Variants in RNF123 observed in about 807,000 individuals in gnomAD.
The protein encoded by RNF123 is E3 ubiquitin-protein ligase RNF123.
RNF123 carries 86 observed loss-of-function variants against 168.5 expected under a neutral mutation model. The ratio of observed to expected loss-of-function variants is 0.51; its 90% CI spans 0.43 to 0.61. RNF123 has a LOEUF of 0.61. Among genes scored for constraint, RNF123 ranks in the 20% least tolerant of loss-of-function variants. RNF123 has a pLI of 0.00. For missense variants in RNF123, 1,419 were observed against 1,729.7 expected, an observed-to-expected ratio of 0.82 and a Z score of 3.19; for synonymous variants, 666 against 689.1, an observed-to-expected ratio of 0.97 and a Z score of 0.52.
intron 18 of RNF123, 85 bp from the exon 19 acceptor site, chr3:49,702,249 G>T: frequency 1.3e-6 from 2 of 1,589,520 alleles, no homozygotes; most frequent in Non-Finnish European, 1.7e-6. Flanking sequence ...CATGGCAGGG[G>T]CTGGGGGAAG....
chr3:49,701,862 C>T lies in RNF123; in HGVS notation c.1447C>T (p.Arg483Trp), dbSNP rs778920897. ...GGAGACCGCAGAGGAGCGGCTGCGGCGGCGAGCCTACGAACGGGGCTGTCA... is the reference window on the plus strand; with the variant it reads ...GGAGACCGCAGAGGAGCGGCTGCGGTGGCGAGCCTACGAACGGGGCTGTCA... ...KEETAEERLRRRAYERGCQRL... is the reference protein window; with the variant it reads ...KEETAEERLRWRAYERGCQRL... The change falls in exon 17 of 39, where the codon CGG (arginine) becomes TGG (tryptophan). Residue 483 changes from arginine (R) to tryptophan (W), a missense_variant. Around this residue, in one of 5 missense-constraint regions of RNF123, gnomAD observed 349 missense variants for 344.9 expected, o/e 1.01. Transcript: ENST00000327697. 3.9e-5 allele frequency: 61 copies of T among 1,570,268 alleles called. No homozygotes were observed. Among genetic ancestry groups the T allele is most frequent in the Admixed American group, 5.8e-5 (3 of 51,810 alleles).
Position 49,699,616 on chromosome 3 carries a change from G to A in RNF123, c.879+34G>A. The stretch of plus-strand genomic sequence containing the variant: ...GGGTCTGGGCCAGGCGGGGTGGGGG[G>A]CTTCCACAGCCTCCTGCCCCTCACA... On this transcript the variant is annotated intron_variant, in intron 11 of 38. Transcript: ENST00000327697. This position sits in a 1 kb window ranked among gnomAD's most constrained non-coding sequence, Gnocchi z 4.8. 1.2e-6 allele frequency: 2 copies of A among 1,612,150 alleles called. No homozygotes were observed. The highest frequency in any genetic ancestry group is 2.2e-5 in the South Asian group (2 of 91,038).
Position 49,720,599 on chromosome 3 carries a change from G to A in RNF123, c.3589G>A (p.Ala1197Thr). 6.2e-7 allele frequency: 1 copy of A among 1,610,628 alleles called. No homozygotes were observed. Among genetic ancestry groups the A allele is most frequent in the Non-Finnish European group, 8.5e-7 (1 of 1,177,796 alleles). ...CYLLGQPEPP[A>T]PGTALPAPDR... ...TCTCCTGGGACAGCCAGAGCCCCCA[G>A]CACCTGGCACTGCTCTGCCAGCCCC... Residue 1197 changes from alanine (A) to threonine (T), a missense_variant, in exon 36 of 39, where the codon GCA (alanine) becomes ACA (threonine). Physicochemically the swap from Ala to Thr is moderately conservative, Grantham distance 58. Coordinates refer to ENST00000327697, the MANE Select transcript of RNF123 (RefSeq NM_022064.5).
Position 49,706,884 on chromosome 3 carries a change from A to C in RNF123, c.2482A>C (p.Thr828Pro). The change falls in exon 26 of 39, where the codon ACT becomes CCT. Residue 828 changes from threonine to proline, a missense_variant. Thr to Pro is a conservative substitution (Grantham distance 38). Coordinates refer to ENST00000327697, the MANE Select transcript of RNF123 (RefSeq NM_022064.5). ...CCGCCGTCTTGCCTGGGTCCATGCC[A>C]CTGTCTACTCCCAGGTGTGCTGGTA... is the stretch of plus-strand genomic sequence containing the variant. ...LSRRLAWVHA[T>P]VYSQEKMLDI... is the part of the protein sequence containing the mutation. 1 of 1,614,002 alleles carries C rather than the reference A, an allele frequency of 6.2e-7. No homozygotes were observed. The highest frequency in any genetic ancestry group is 8.5e-7 in the Non-Finnish European group (1 of 1,179,898).
chr3:49,699,327 C>G lies in RNF123; in HGVS notation c.765-141C>G. ...ACAGATGAGGAATGTGAAGCATCCT[C>G]CCTAGGGAGAATAAGTGGGCAAGTT... On this transcript the variant is annotated intron_variant, in intron 10 of 38. Coordinates refer to ENST00000327697, the MANE Select transcript of RNF123 (RefSeq NM_022064.5). The surrounding 1 kb of genome is among the most constrained non-coding windows in gnomAD (Gnocchi z 4.8). The G allele has an allele frequency of 3.2e-6, 3 of 936,586 alleles. 1 individual carries two copies. The highest frequency in any genetic ancestry group is 1.6e-6 in the Non-Finnish European group (1 of 616,036). The allele number at this position is 936,586 out of a possible 1,614,324, so 58.0% of individuals were successfully genotyped here. A position where few individuals can be genotyped will look rare whatever the true frequency, so the allele number is the denominator to read the frequency against.
At position 49,697,291 on chromosome 3, in the gene RNF123, G is replaced by C. The variant is rs888395973; in HGVS notation, c.247+69G>C. On this transcript the variant is annotated intron_variant, in intron 4 of 38. Transcript: ENST00000327697. ...GGACGTAGCGGGCCTGGAGACGTCT[G>C]GTGAGCTCAGGACACCCTATGCATC... 8 of 1,592,412 alleles carry C rather than the reference G, an allele frequency of 5.0e-6. No homozygotes were observed. In the Admixed American group the frequency reaches 1.3e-4, roughly 27 times the overall value.
At position 49,713,970 on chromosome 3, in the gene RNF123, C is replaced by T. The variant is rs554509998; in HGVS notation, c.2898C>T (p.Thr966=). ...APYEQRPWAQ[T]NWILVRLWRG... ...ATGAGCAGCGGCCCTGGGCCCAGACCAACTGGATCCTGGTGCGGCTCTGGA... is the reference window on the plus strand; with the variant it reads ...ATGAGCAGCGGCCCTGGGCCCAGACTAACTGGATCCTGGTGCGGCTCTGGA... Residue 966 remains threonine (T), a synonymous_variant, in exon 30 of 39, where the codon ACC becomes ACT. Coordinates refer to ENST00000327697, the MANE Select transcript of RNF123 (RefSeq NM_022064.5). 8 of 1,614,080 alleles carry T rather than the reference C, an allele frequency of 5.0e-6. No individual in the cohort carries two copies. The South Asian group carries it at 8.8e-5, about 18-fold the overall frequency.
chr3:49,693,347 CTTTTTTTTTT>C (rs35938648), intron 3 of RNF123, among the ~76,000 whole-genome samples: 1 of 34,124 alleles, frequency 2.9e-5, no homozygotes, highest in Non-Finnish European at 5.0e-5. Context: ...TGTGCCTGGC[CTTTTTTTTTT>C]TTTTTTTTTT....
chr3:49,703,682 C>T (rs1315125993), intron 21 of RNF123, among the ~76,000 whole-genome samples, 154 bp downstream of exon 21: 1 of 152,188 alleles, frequency 6.6e-6, no homozygotes, highest in African/African-American at 2.4e-5. Context: ...GATCTGCCTG[C>T]CCTACATCTG....
Position 49,721,028 on chromosome 3 carries a change from TGAG to T in RNF123, c.3753_3755del (p.Glu1251del). 1 of 1,612,110 alleles carries T rather than the reference TGAG, an allele frequency of 6.2e-7. No individual in the cohort carries two copies. Among genetic ancestry groups the T allele is most frequent in the Non-Finnish European group, 8.5e-7 (1 of 1,178,632 alleles). On this transcript the variant is annotated inframe_deletion, in exon 38 of 39. Coordinates refer to ENST00000327697, the MANE Select transcript of RNF123 (RefSeq NM_022064.5). ...CACTCTCCTCCCTGCAGCCCACCAG[TGAG>T]GAGGACCTCTGCCCCATCTGCTATG...
chr3:49,714,973 G>A (rs1200004169), intron 31 of RNF123, among the ~76,000 whole-genome samples: 1 of 152,244 alleles, frequency 6.6e-6, no homozygotes, highest in African/African-American at 2.4e-5. Flanking sequence ...AGTGGAGAGC[G>A]GCAGTGGGGC....
chr3:49,718,085 G>A lies in RNF123; in HGVS notation c.3500+1608G>A, dbSNP rs752238885. On this transcript the variant is annotated intron_variant, in intron 35 of 38. Transcript: ENST00000327697. Reference sequence around the variant, plus strand: ...TGCACGCGGCCATTGAGGCCCCTCCGGCCTGGCTCCAGAAAGACTACGTGC... The same window carrying A: ...TGCACGCGGCCATTGAGGCCCCTCCAGCCTGGCTCCAGAAAGACTACGTGC... The A allele has an allele frequency of 3.1e-6, 5 of 1,613,588 alleles. No individual in the cohort carries two copies. The South Asian group carries it at 4.4e-5, about 14-fold the overall frequency.
intron 26 of RNF123, 50 bp from the exon 27 acceptor site, chr3:49,712,429 C>A (rs1486981726): frequency 6.3e-7 from 1 of 1,596,462 alleles, no homozygotes; most frequent in Admixed American, 1.7e-5. Flanking sequence ...GACATGCCCC[C>A]AAGACCCCAC....
chr3:49,720,362 A>C (rs539223355), intron 35 of RNF123, 149 bp from the exon 36 acceptor site: 3 of 702,016 alleles, frequency 4.3e-6, no homozygotes, highest in Admixed American at 6.8e-5. Flanking sequence ...ACTAGAATAC[A>C]GGACTTGGGG....
Position 49,706,888 on chromosome 3 carries a change from T to A in RNF123, c.2486T>A (p.Val829Asp). 1 of 1,613,958 alleles carries A rather than the reference T, an allele frequency of 6.2e-7. No homozygotes were observed. The change falls in exon 26 of 39, where the codon GTC becomes GAC. Residue 829 changes from valine to aspartate, a missense_variant. Around this residue, in one of 5 missense-constraint regions of RNF123, gnomAD observed 538 missense variants for 708.8 expected, o/e 0.76. Transcript: ENST00000327697. ...SRRLAWVHAT[V>D]YSQEKMLDIY... is the part of the protein sequence containing the mutation. ...CGTCTTGCCTGGGTCCATGCCACTG[T>A]CTACTCCCAGGTGTGCTGGTATTGC...
At chr3:49,716,533 G>A (rs895892972) in intron 35 of RNF123, 56 bp downstream of exon 35, 6 of 1,380,232 alleles carry the variant, frequency 4.3e-6, no homozygotes, top group Admixed American at 1.9e-5. Flanking sequence ...GGTGAGGAGG[G>A]GCTGGACAGG....
chr3:49,701,723 T>A, intron 16 of RNF123, 88 bp from the exon 17 acceptor site: 1 of 1,462,922 alleles, frequency 6.8e-7, no homozygotes, highest in Non-Finnish European at 9.5e-7. Context: ...CCTGAAGCCC[T>A]GGAGATGGAG....
intron 23 of RNF123, among the ~76,000 whole-genome samples, 163 bp from the exon 24 acceptor site, chr3:49,705,371 G>T (rs1257076661): frequency 2.0e-5 from 3 of 152,198 alleles, no homozygotes; most frequent in Non-Finnish European, 4.4e-5. Context: ...GGCACCGCAG[G>T]CCTTGCCCTG....
intron 25 of RNF123, 133 bp downstream of exon 25, chr3:49,706,198 AGT>A (rs930343692): frequency 6.3e-6 from 5 of 798,450 alleles, no homozygotes; most frequent in African/African-American, 5.1e-5. Flanking sequence ...CGCCAGTGAG[AGT>A]GGGGCTGGCA....
Sources: gnomAD v4.1 joint callset for allele counts (sites outside exome capture counted in the v4.1 genomes callset) on GRCh38, gnomAD v4.1.1 for gene constraint, gnomAD v4.1.1 regional missense constraint, Gnocchi (gnomAD v3.1) non-coding constraint, MANE v1.5 for transcripts, NCBI Gene and HGNC (gene_info 2026-07-23, HGNC 2026-07-21) for gene names.